FER: variants seen among roughly 807,000 people sequenced by gnomAD.
FER encodes the protein FER tyrosine kinase.
Under a neutral mutation model 111.0 loss-of-function variants are expected in FER, and 63 were observed. The ratio of observed to expected loss-of-function variants is 0.57; its 90% CI spans 0.46 to 0.70. The LOEUF (loss-of-function observed/expected upper bound fraction) is 0.70, where lower values mean the gene tolerates loss of function less well. FER is among the 30% of genes least tolerant of loss of function. The pLI is 0.00. For synonymous variants in FER, 327 were observed against 313.9 expected (o/e 1.04, Z -0.44); for missense variants, 914 against 954.0 (o/e 0.96, Z 0.55).
intron 2 of FER, among the ~76,000 whole-genome samples, chr5:108,783,921 C>G (rs1051597655): frequency 6.6e-6 from 1 of 152,098 alleles, no homozygotes; most frequent in Non-Finnish European, 1.5e-5. Flanking sequence ...GGATATCTAG[C>G]AAAACTGGGT....
chr5:109,071,311 C>T (rs754371684), intron 16 of FER, among the ~76,000 whole-genome samples: 5 of 151,896 alleles, frequency 3.3e-5, no homozygotes, highest in African/African-American at 7.2e-5. Context: ...TTTTGCTGAT[C>T]GGAGTTTGTC....
At chr5:109,175,600 G>T (rs896286688) in intron 17 of FER, among the ~76,000 whole-genome samples, 48 of 152,242 alleles carry the variant, frequency 3.2e-4, no homozygotes, top group African/African-American at 1.1e-3. Context: ...AGACAAATGG[G>T]ACTATATTAA....
intron 3 of FER, chr5:108,820,255 A>G (rs1758705580): frequency 1.0e-6 from 1 of 985,288 alleles, no homozygotes; most frequent in Non-Finnish European, 1.2e-6. Context: ...GGCACTAAAT[A>G]AGGAAGTAGC....
At chr5:109,121,522 A>T (rs925949278) in intron 17 of FER, among the ~76,000 whole-genome samples, 1 of 152,072 alleles carries the variant, frequency 6.6e-6, no homozygotes, top group African/African-American at 2.4e-5. Context: ...TTTTGCATCA[A>T]TGTTCATCAG....
chr5:109,074,203 C>T (rs1227363085), intron 16 of FER, among the ~76,000 whole-genome samples: 2 of 152,072 alleles, frequency 1.3e-5, no homozygotes, highest in Admixed American at 6.6e-5. Flanking sequence ...TATTATTATC[C>T]TCAGTTTACA....
intron 3 of FER, among the ~76,000 whole-genome samples, chr5:108,800,138 G>C (rs1296904420): frequency 6.6e-6 from 1 of 151,990 alleles, no homozygotes; most frequent in Non-Finnish European, 1.5e-5. Flanking sequence ...CATAAATCTT[G>C]ACCTCCCTTT....
chr5:108,925,917 A>G (rs72793909), intron 10 of FER, among the ~76,000 whole-genome samples: 15,394 of 152,038 alleles, frequency 0.1, 999 homozygotes, highest in Middle Eastern at 0.16. Flanking sequence ...TTTATATATA[A>G]TAATGTCTCT....
At chr5:108,889,647 A>G (rs937737870) in intron 9 of FER, among the ~76,000 whole-genome samples, 1 of 151,958 alleles carries the variant, frequency 6.6e-6, no homozygotes, top group African/African-American at 2.4e-5. Context: ...TGTACATTTT[A>G]AAATAACTAA....
intron 10 of FER, among the ~76,000 whole-genome samples, chr5:108,925,157 T>C (rs925759453): frequency 2.0e-5 from 3 of 150,954 alleles, no homozygotes; most frequent in African/African-American, 4.8e-5. Context: ...AACTGAGCCA[T>C]GTTTCTCCTC....
At chr5:108,804,654 T>G (rs1204457332) in intron 3 of FER, among the ~76,000 whole-genome samples, 5 of 152,326 alleles carry the variant, frequency 3.3e-5, no homozygotes, top group Middle Eastern at 3.4e-3. Context: ...TTGTATATGT[T>G]GATCCAACCT....
At chr5:108,810,451 C>T (rs981071241) in intron 3 of FER, among the ~76,000 whole-genome samples, 11 of 152,218 alleles carry the variant, frequency 7.2e-5, no homozygotes, top group Non-Finnish European at 1.3e-4. Context: ...GCCTACCTGT[C>T]GCCCAGTGGC....
At chr5:108,989,488 T>A (rs952719837) in intron 13 of FER, among the ~76,000 whole-genome samples, 2 of 152,024 alleles carry the variant, frequency 1.3e-5, no homozygotes, top group African/African-American at 4.8e-5. Flanking sequence ...CAATGAAATA[T>A]TGGCCTGTTT....
intron 16 of FER, among the ~76,000 whole-genome samples, chr5:109,073,017 TA>T (rs1389501089): frequency 6.6e-6 from 1 of 152,232 alleles, no homozygotes; most frequent in East Asian, 1.9e-4. Flanking sequence ...CTTTGTTTTA[TA>T]AAGACACTAG....
chr5:108,978,036 G>A (rs1761598282), intron 13 of FER, among the ~76,000 whole-genome samples: 1 of 152,178 alleles, frequency 6.6e-6, no homozygotes, highest in South Asian at 2.1e-4. Context: ...TAGTAGAGAT[G>A]GGGTTTCACC....
intron 1 of FER, among the ~76,000 whole-genome samples, chr5:108,749,892 A>T (rs1750267515): frequency 6.6e-6 from 1 of 152,182 alleles, no homozygotes; most frequent in Non-Finnish European, 1.5e-5. Context: ...TGAGGATTGT[A>T]CTATGAGGTG....
intron 5 of FER, among the ~76,000 whole-genome samples, chr5:108,839,833 T>C (rs1476320343): frequency 1.3e-5 from 2 of 152,000 alleles, no homozygotes; most frequent in Admixed American, 6.6e-5. Flanking sequence ...TGCCTTCGCC[T>C]CCCAAACTGC....
chr5:109,138,914 A>C (rs1164347522), intron 17 of FER, among the ~76,000 whole-genome samples: 1 of 152,180 alleles, frequency 6.6e-6, no homozygotes, highest in African/African-American at 2.4e-5. Flanking sequence ...GAGAGGGGAG[A>C]ATCCAAGAAG....
chr5:108,998,511 G>C (rs1034336456), intron 13 of FER, among the ~76,000 whole-genome samples: 1 of 152,156 alleles, frequency 6.6e-6, no homozygotes, highest in Non-Finnish European at 1.5e-5. Flanking sequence ...GAGATGAACC[G>C]GATACCTCAG....
intron 17 of FER, among the ~76,000 whole-genome samples, chr5:109,153,151 T>G (rs1020028708): frequency 2.6e-5 from 4 of 151,666 alleles, no homozygotes; most frequent in Non-Finnish European, 5.9e-5. Context: ...CAGAGAAAAT[T>G]TCATTATACC....
Sources: gnomAD v4.1 joint callset for allele counts (sites outside exome capture counted in the v4.1 genomes callset) on GRCh38, gnomAD v4.1.1 for gene constraint, MANE v1.5 for transcripts, NCBI Gene and HGNC (gene_info 2026-07-23, HGNC 2026-07-21) for gene names.